LPP: variants seen among roughly 807,000 people sequenced by gnomAD.
LPP encodes lipoma-preferred partner.
Under a neutral mutation model 60.4 loss-of-function variants are expected in LPP, and 38 were observed. The ratio of observed to expected loss-of-function variants is 0.63; its 90% CI spans 0.49 to 0.83. The LOEUF is 0.83. Among genes scored for constraint, LPP ranks in the 40% least tolerant of loss-of-function variants. The pLI is 0.00. For missense variants in LPP, 902 were observed against 783.6 expected, an observed-to-expected ratio of 1.15 and a Z score of -1.80; for synonymous variants, 328 against 290.8, an observed-to-expected ratio of 1.13 and a Z score of -1.30.
chr3:188,516,598 C>T (rs916732082), intron 5 of LPP, among the ~76,000 whole-genome samples: 2 of 144,486 alleles, frequency 1.4e-5, no homozygotes, highest in Non-Finnish European at 3.0e-5. Flanking sequence ...CCTTACTCCC[C>T]CTGCCCCACA....
At chr3:188,863,053 T>C (rs1268336900) in intron 9 of LPP, among the ~76,000 whole-genome samples, 1 of 152,150 alleles carries the variant, frequency 6.6e-6, no homozygotes, top group African/African-American at 2.4e-5. Context: ...TGGAGGTGCA[T>C]AGTAAAGGTA....
chr3:188,727,335 C>T (rs1225541885), intron 8 of LPP, among the ~76,000 whole-genome samples: 1 of 152,110 alleles, frequency 6.6e-6, no homozygotes, highest in Non-Finnish European at 1.5e-5. Context: ...AGTATTGAAA[C>T]GTTATGATAC....
At chr3:188,418,841 G>A (rs889351530) in intron 4 of LPP, among the ~76,000 whole-genome samples, 2 of 152,146 alleles carry the variant, frequency 1.3e-5, no homozygotes, top group Non-Finnish European at 2.9e-5. Context: ...CCTTAGTTCA[G>A]TTGAATTGTG....
chr3:188,203,007 G>T (rs916375906), intron 1 of LPP, among the ~76,000 whole-genome samples: 13 of 147,632 alleles, frequency 8.8e-5, no homozygotes, highest in Non-Finnish European at 1.8e-4. Context: ...ATATTTGCTG[G>T]CAAAAAGAAG....
At chr3:188,731,668 G>A (rs925628008) in intron 8 of LPP, among the ~76,000 whole-genome samples, 4 of 151,818 alleles carry the variant, frequency 2.6e-5, no homozygotes, top group African/African-American at 4.8e-5. Flanking sequence ...GACTACAGGC[G>A]TGCACCACCA....
At chr3:188,604,893 C>T (rs908345176) in intron 6 of LPP, among the ~76,000 whole-genome samples, 6 of 152,060 alleles carry the variant, frequency 3.9e-5, no homozygotes, top group Admixed American at 2.6e-4. Flanking sequence ...CAAAGTTTCA[C>T]GGAGGAACCT....
At chr3:188,245,856 C>CA (rs1244889593) in intron 2 of LPP, among the ~76,000 whole-genome samples, 1 of 152,002 alleles carries the variant, frequency 6.6e-6, no homozygotes, top group African/African-American at 2.4e-5. Flanking sequence ...CCTGCTTTCA[C>CA]AAAAAACAAA....
At chr3:188,471,502 C>G (rs1394213014) in intron 4 of LPP, among the ~76,000 whole-genome samples, 1 of 152,234 alleles carries the variant, frequency 6.6e-6, no homozygotes, top group Middle Eastern at 3.4e-3. Context: ...TGTTTGTATT[C>G]AGAGTGGGTG....
chr3:188,392,228 A>C (rs1283365178), intron 3 of LPP, among the ~76,000 whole-genome samples: 1 of 152,206 alleles, frequency 6.6e-6, no homozygotes, highest in East Asian at 1.9e-4. Flanking sequence ...ACTTTAGGGA[A>C]TCCCTAAGGG....
chr3:188,427,684 A>G (rs1376524363), intron 4 of LPP, among the ~76,000 whole-genome samples: 2 of 152,064 alleles, frequency 1.3e-5, no homozygotes, highest in Non-Finnish European at 2.9e-5. Context: ...GTCCTGTTCT[A>G]ACTTCCTGGG....
chr3:188,759,175 A>G (rs1577380338), intron 8 of LPP: 1 of 152,244 alleles, frequency 6.6e-6, no homozygotes, highest in African/African-American at 2.4e-5. Flanking sequence ...TCTCACTGAC[A>G]TAACTATTTG....
intron 4 of LPP, among the ~76,000 whole-genome samples, chr3:188,451,845 A>T (rs1282139752): frequency 1.3e-5 from 2 of 152,242 alleles, no homozygotes; most frequent in East Asian, 3.8e-4. Flanking sequence ...CTCGAGGGAT[A>T]GTGAAACCAG....
At chr3:188,154,143 G>A (rs1356878253), upstream of LPP, 2 of 196,162 alleles carry the variant, frequency 1.0e-5, no homozygotes, top group South Asian at 9.5e-5. Context: ...CAATGGGAGG[G>A]GGAGTGCCCG....
intron 1 of LPP, among the ~76,000 whole-genome samples, chr3:188,214,503 T>G (rs1216249094): frequency 6.6e-6 from 1 of 152,216 alleles, no homozygotes; most frequent in East Asian, 1.9e-4. Context: ...AAGCATTTTA[T>G]TACCAGTGGC....
At chr3:188,315,166 C>A (rs183456372) in intron 2 of LPP, among the ~76,000 whole-genome samples, 1 of 151,970 alleles carries the variant, frequency 6.6e-6, no homozygotes, top group African/African-American at 2.4e-5. Flanking sequence ...AGGGAAGTCA[C>A]CTATTTCAAA....
Position 188,225,299 on chromosome 3 carries a change from T to C in LPP, c.-189-106T>C, listed in dbSNP as rs1278603465. 2.0e-5 allele frequency: 3 copies of C among 152,072 alleles called. No individual in the cohort carries two copies. The East Asian group carries it at 5.8e-4, about 29-fold the overall frequency. 9.4% of individuals were successfully genotyped at this position (152,072 alleles called of 1,614,324 possible). A position where few individuals can be genotyped will look rare whatever the true frequency, so the allele number is the denominator to read the frequency against. ...AGGATCTGACTAGGAGTTTAGGAGG[T>C]ATAGAAGTAAACCACGGCCCAGTCA... On this transcript the variant is annotated intron_variant, in intron 1 of 11. Coordinates refer to ENST00000617246, the MANE Select transcript of LPP (RefSeq NM_001375462.1).
chr3:188,444,278 A>T (rs1327760202), intron 4 of LPP, among the ~76,000 whole-genome samples: 3 of 150,344 alleles, frequency 2.0e-5, no homozygotes, highest in African/African-American at 7.4e-5. Context: ...GGTTTGTATC[A>T]TTGCATGTAT....
rs185138654 is a variant in LPP, at chr3:188,412,071, A to G, written c.193+5758A>G. 2.8e-3 allele frequency among the ~76,000 whole-genome samples: 428 copies of G among 152,236 alleles called. 2 individuals are homozygous for G. The highest frequency in any genetic ancestry group is 9.8e-3 in the African/African-American group (408 of 41,548). Reference sequence around the variant, plus strand: ...TAGATAATCATTTGGAAAGATTTGTAAAGTTCACGTTTGTGAAGCTGGAGT... The same window carrying G: ...TAGATAATCATTTGGAAAGATTTGTGAAGTTCACGTTTGTGAAGCTGGAGT... On this transcript the variant is annotated intron_variant, in intron 4 of 11. Coordinates refer to ENST00000617246, the MANE Select transcript of LPP (RefSeq NM_001375462.1).
intron 5 of LPP, among the ~76,000 whole-genome samples, chr3:188,505,095 A>G (rs1186365317): frequency 6.6e-6 from 1 of 152,190 alleles, no homozygotes. Flanking sequence ...TAAATTAACC[A>G]CAACTTACCA....
Sources: allele counts gnomAD v4.1 joint callset (sites outside exome capture counted in the v4.1 genomes callset), GRCh38; gene constraint gnomAD v4.1.1; transcripts MANE v1.5; gene names NCBI Gene and HGNC (gene_info 2026-07-23, HGNC 2026-07-21).